ZNF705G: variants seen among roughly 807,000 people sequenced by gnomAD.
ZNF705G encodes the protein zinc finger protein 705G.
A neutral mutation model predicts 19.6 loss-of-function variants in ZNF705G; 23 were observed. That is an observed-to-expected ratio of 1.17 (90% CI 0.84 to 1.66). The LOEUF (loss-of-function observed/expected upper bound fraction) is 1.66. ZNF705G is among the 40% of genes most tolerant of loss of function. The pLI, the probability that ZNF705G is intolerant of heterozygous loss-of-function variation, is 0.00. For synonymous variants in ZNF705G, 146 were observed against 117.7 expected, an observed-to-expected ratio of 1.24 and a Z score of -1.56; for missense variants, 457 against 354.4, an observed-to-expected ratio of 1.29 and a Z score of -2.32.
Position 7,358,449 on chromosome 8 carries a change from A to G in ZNF705G, c.430T>C (p.Tyr144His), listed in dbSNP as rs1806395278. 6.2e-7 allele frequency: 1 copy of G among 1,607,718 alleles called. No homozygotes were observed. The highest frequency in any genetic ancestry group is 8.5e-7 in the Non-Finnish European group (1 of 1,179,600). ...CLLTHSGKKPYVSKQCGKSLR... is the reference protein window; with the variant it reads ...CLLTHSGKKPHVSKQCGKSLR... ...GATTTTCCACACTGTTTGCTGACATAGGGTTTCTTTCCACTATGAGTTAAC... is the reference window on the plus strand; with the variant it reads ...GATTTTCCACACTGTTTGCTGACATGGGGTTTCTTTCCACTATGAGTTAAC... The change falls in exon 7 of 7, where the codon TAT (tyrosine) becomes CAT (histidine). Residue 144 changes from tyrosine (Y) to histidine (H), a missense_variant. Tyr to His is a moderately conservative substitution (Grantham distance 83). Coordinates refer to ENST00000400156, the MANE Select transcript of ZNF705G (RefSeq NM_001164457.3).
At chr8:7,367,228 C>A (rs1313356684) in intron 2 of ZNF705G, among the ~76,000 whole-genome samples, 1 of 149,512 alleles carries the variant, frequency 6.7e-6, no homozygotes, top group Non-Finnish European at 1.5e-5. Flanking sequence ...GGTAGAAGAG[C>A]ATGAGCAGGG....
At chr8:7,360,395 G>A in intron 4 of ZNF705G, 63 bp from the exon 5 acceptor site, 3 of 1,579,728 alleles carry the variant, frequency 1.9e-6, no homozygotes, top group Non-Finnish European at 2.6e-6. Flanking sequence ...TTATCACCAA[G>A]TGTAATGCAG....
chr8:7,358,177 C>T lies in ZNF705G; in HGVS notation c.702G>A (p.Gly234=), dbSNP rs747750005. ...GQRPYKCHQY[G]KVFIQSFNLQ... is the part of the protein sequence containing the mutation. ...GGTTAAAGGATTGAATAAAGACTTT[C>T]CCATATTGATGACACTTATATGGTC... Residue 234 remains glycine (G), a synonymous_variant, in exon 7 of 7, where the codon GGG becomes GGA. Coordinates refer to ENST00000400156, the MANE Select transcript of ZNF705G (RefSeq NM_001164457.3). The T allele has an allele frequency of 1.4e-5, 22 of 1,607,468 alleles. No individual in the cohort carries two copies. The highest frequency in any genetic ancestry group is 1.7e-5 in the Non-Finnish European group (20 of 1,179,630).
chr8:7,361,014 G>C (rs1168899085), intron 4 of ZNF705G, 96 bp downstream of exon 4: 2 of 1,582,096 alleles, frequency 1.3e-6, no homozygotes, highest in Admixed American at 1.7e-5. Context: ...AATCAGAGAA[G>C]AGATTAGAGT....
At chr8:7,359,977 G>C (rs1247898278) in intron 5 of ZNF705G, among the ~76,000 whole-genome samples, 28 of 149,260 alleles carry the variant, frequency 1.9e-4, no homozygotes, top group Non-Finnish European at 3.8e-4. Flanking sequence ...AAAAGAGTCA[G>C]CATATGAAAG....
In ZNF705G at chr8:7,360,257, A is replaced by G. The variant is rs1325074329; in HGVS notation, c.215T>C (p.Phe72Ser). 6.3e-6 allele frequency: 10 copies of G among 1,592,232 alleles called. No individual in the cohort carries two copies. Among genetic ancestry groups the G allele is most frequent in the Non-Finnish European group, 8.5e-6 (10 of 1,179,202 alleles). The part of the protein sequence containing the change: ...GKELWREGRV[F>S]LQDQNPNRES... The stretch of plus-strand genomic sequence containing the variant: ...CTTACTTGGATTCTGGTCTTGAAGA[A>G]ATACTCTTCCTTCCCTCCACAGCTC... Residue 72 changes from phenylalanine to serine, a missense_variant, in exon 5 of 7, where the codon TTT (phenylalanine) becomes TCT (serine). Physicochemically the swap from Phe to Ser is radical, Grantham distance 155. Coordinates refer to ENST00000400156, the MANE Select transcript of ZNF705G (RefSeq NM_001164457.3).
rs1349375418 is a variant in ZNF705G, at chr8:7,384,395, A to G, written c.-222+1103T>C. Among the ~76,000 whole-genome samples the G allele has an allele frequency of 6.2e-5, 9 of 145,568 alleles. 3 individuals are homozygous for G. Among genetic ancestry groups the G allele is most frequent in the African/African-American group, 2.6e-4 (9 of 35,226 alleles). On this transcript the variant is annotated intron_variant, in intron 1 of 6. Transcript: ENST00000400156. ...ACCACAAGAGTTTCAACCCCATCAA[A>G]AAGTGGGCAAAGGATGTGAACAGAC...
In ZNF705G at chr8:7,360,249, C is replaced by T; in HGVS notation, c.223G>A (p.Asp75Asn). ...LWREGRVFLQ[D>N]QNPNRESALK... Reference sequence around the variant, plus strand: ...CCCTGTTGCTTACTTGGATTCTGGTCTTGAAGAAATACTCTTCCTTCCCTC... The same window carrying T: ...CCCTGTTGCTTACTTGGATTCTGGTTTTGAAGAAATACTCTTCCTTCCCTC... The change falls in exon 5 of 7, where the codon GAC (aspartate) becomes AAC (asparagine). Residue 75 changes from aspartate to asparagine, a missense_variant. Transcript: ENST00000400156. 1 of 1,592,288 alleles carries T rather than the reference C, an allele frequency of 6.3e-7. No individual in the cohort carries two copies.
At chr8:7,364,495 A>G (rs201986404) in intron 2 of ZNF705G, among the ~76,000 whole-genome samples, 6 of 149,630 alleles carry the variant, frequency 4.0e-5, no homozygotes, top group Non-Finnish European at 7.3e-5. Context: ...TGATCAACAG[A>G]GTTTGAAAAA....
At chr8:7,367,712 C>T (rs1287231489) in intron 2 of ZNF705G, among the ~76,000 whole-genome samples, 2 of 149,636 alleles carry the variant, frequency 1.3e-5, no homozygotes, top group Non-Finnish European at 2.9e-5. Context: ...CCTCTCCTTC[C>T]TGTTCTAAAG....
In ZNF705G at chr8:7,358,137, T is replaced by C. The variant is rs772617486; in HGVS notation, c.742A>G (p.Arg248Gly). 1.9e-6 allele frequency: 3 copies of C among 1,607,554 alleles called. No individual in the cohort carries two copies. Among genetic ancestry groups the C allele is most frequent in the East Asian group, 2.2e-5 (1 of 44,872 alleles). ...IQSFNLQRHE[R>G]THLGKKCYEC... is the part of the protein sequence containing the mutation. ...TAACACTTTTTTCCAAGGTGAGTTC[T>C]CTCATGTCTTTGAAGGTTAAAGGAT... is the stretch of plus-strand genomic sequence containing the variant. The change falls in exon 7 of 7, where the codon AGA becomes GGA. Residue 248 changes from arginine to glycine, a missense_variant. Physicochemically the swap from Arg to Gly is moderately radical, Grantham distance 125. Transcript: ENST00000400156.
chr8:7,370,140 G>A (rs1258979020), intron 2 of ZNF705G, among the ~76,000 whole-genome samples: 4 of 147,582 alleles, frequency 2.7e-5, no homozygotes, highest in African/African-American at 8.0e-5. Flanking sequence ...GCATGGTGCC[G>A]GGTGCCTGTA....
rs545991536 is a variant in ZNF705G at position 7,367,251 on chromosome 8, C to G, written c.-71-4234G>C. Among the ~76,000 whole-genome samples the G allele has an allele frequency of 1.3e-4, 20 of 149,468 alleles. No homozygotes were observed. In the South Asian group the frequency reaches 3.8e-3, roughly 28 times the overall value. ...AGCATGAGCAGGGCAGGAGAGGGCT[C>G]TTCCCCTACCCACTAGAAATGTCAG... On this transcript the variant is annotated intron_variant, in intron 2 of 6. Transcript: ENST00000400156.
chr8:7,365,967 G>C (rs11137100), intron 2 of ZNF705G, among the ~76,000 whole-genome samples: 25,122 of 147,072 alleles, frequency 0.17, 1,442 homozygotes, highest in East Asian at 0.27. Context: ...CTATTATTTA[G>C]TAGATTCTCT....
intron 1 of ZNF705G, among the ~76,000 whole-genome samples, chr8:7,382,120 A>G (rs1224207874): frequency 4.6e-5 from 7 of 151,510 alleles, no homozygotes; most frequent in Non-Finnish European, 1.5e-5. Flanking sequence ...AGCATCCTTT[A>G]GTGGTGATGC....
At chr8:7,359,724 T>C in intron 5 of ZNF705G, 23 bp from the exon 6 acceptor site, 1 of 1,606,176 alleles carries the variant, frequency 6.2e-7, no homozygotes, top group Non-Finnish European at 8.5e-7. Flanking sequence ...AAAAATAAAT[T>C]GTTACATTGG....
rs1368916571 is a variant in ZNF705G, at chr8:7,356,937, A to G, written c.*1039T>C. 4.7e-4 allele frequency: 71 copies of G among 149,952 alleles called. No homozygotes were observed. Among genetic ancestry groups the G allele is most frequent in the Non-Finnish European group, 7.2e-4 (49 of 68,008 alleles). 9.3% of individuals were successfully genotyped at this position (149,952 alleles called of 1,614,324 possible). On this transcript the variant is annotated 3_prime_UTR_variant, in exon 7 of 7. Transcript: ENST00000400156. ...TTATGCATTTACATGCCACATTTTT[A>G]TGAATAGATATTTTCTCAAATTTCT...
rs1251089217 is a variant in ZNF705G, at chr8:7,356,336, T to G, written c.*1640A>C. On this transcript the variant is annotated 3_prime_UTR_variant, in exon 7 of 7. Coordinates refer to ENST00000400156, the MANE Select transcript of ZNF705G (RefSeq NM_001164457.3). ...ACTCAGGACTTACCAGAATAAAATG[T>G]GGGGTGTTATGAGATGAACTGCTAC... 3 of 149,556 alleles carry G rather than the reference T, an allele frequency of 2.0e-5. No homozygotes were observed. Among genetic ancestry groups the G allele is most frequent in the Non-Finnish European group, 4.4e-5 (3 of 68,144 alleles). The allele number at this position is 149,556 out of a possible 1,614,324, so 9.3% of individuals were successfully genotyped here.
intron 2 of ZNF705G, among the ~76,000 whole-genome samples, chr8:7,377,973 A>T (rs1807313472): frequency 7.1e-6 from 1 of 140,264 alleles, no homozygotes; most frequent in South Asian, 2.2e-4. Flanking sequence ...AAAAAAAAAA[A>T]AAAAAGTTTA....
Sources: allele counts gnomAD v4.1 joint callset (sites outside exome capture counted in the v4.1 genomes callset), GRCh38; gene constraint gnomAD v4.1.1; transcripts MANE v1.5; gene names NCBI Gene and HGNC (gene_info 2026-07-23, HGNC 2026-07-21).